WDR26: variants seen among roughly 807,000 people sequenced by gnomAD.
The protein encoded by WDR26 is WD repeat domain 26, also known as WD repeat-containing protein 26.
In WDR26, 5 loss-of-function variants were observed where a neutral mutation model predicts 84.1. That is an observed-to-expected ratio of 0.06 (90% confidence interval 0.03 to 0.13). The LOEUF is 0.13. Ranked by LOEUF, WDR26 falls within the 10% of genes least tolerant of loss-of-function variation. The pLI is 1.00. For synonymous variants in WDR26, 415 were observed against 389.6 expected (o/e 1.07, Z -0.77); for missense variants, 642 against 974.9 (o/e 0.66, Z 4.55).
At chr1:224,392,923 G>A (rs1360753316) in intron 13 of WDR26, among the ~76,000 whole-genome samples, 1 of 151,544 alleles carries the variant, frequency 6.6e-6, no homozygotes, top group South Asian at 2.1e-4. Context: ...AAAAATTTAG[G>A]TGGGACATGC....
At chr1:224,430,270 T>C in intron 3 of WDR26, 1 of 152,132 alleles carries the variant, frequency 6.6e-6, no homozygotes, top group Non-Finnish European at 1.5e-5. Flanking sequence ...ACTACAGAAT[T>C]ATTTTATAAG....
intron 6 of WDR26, among the ~76,000 whole-genome samples, chr1:224,414,077 G>T (rs1673819708): frequency 6.6e-6 from 1 of 151,630 alleles, no homozygotes; most frequent in South Asian, 2.1e-4. Context: ...CTCTCAAAGT[G>T]CTGGGATTAC....
chr1:224,431,377 C>T (rs1674389336), intron 3 of WDR26, 100 bp downstream of exon 3: 1 of 1,033,268 alleles, frequency 9.7e-7, no homozygotes, highest in South Asian at 1.5e-5. Context: ...AATTTAACTA[C>T]TTTTAGGCCT....
At chr1:224,413,686 T>C (rs1275955494) in intron 6 of WDR26, among the ~76,000 whole-genome samples, 28 of 152,204 alleles carry the variant, frequency 1.8e-4, no homozygotes, top group Admixed American at 1.8e-3. Context: ...TATGGTTGAC[T>C]CCAAGACCAG....
intron 1 of WDR26, 75 bp downstream of exon 1, chr1:224,433,609 C>T: frequency 1.3e-6 from 1 of 750,714 alleles, no homozygotes; most frequent in Non-Finnish European, 1.8e-6. Context: ...CTCCCCCCTC[C>T]GCCCCTTCCC....
intron 3 of WDR26, among the ~76,000 whole-genome samples, chr1:224,427,421 C>T (rs1674261954): frequency 6.6e-6 from 1 of 152,040 alleles, no homozygotes; most frequent in Admixed American, 6.6e-5. Context: ...CCCTTATTTT[C>T]CCACCAAGAT....
intron 7 of WDR26, among the ~76,000 whole-genome samples, chr1:224,408,633 CT>C (rs67639407): frequency 0.64 from 73,759 of 115,358 alleles, 24,202 homozygotes; most frequent in East Asian, 0.93. Context: ...TCATCCCATT[CT>C]TTTTTTTTTT....
At chr1:224,397,957 G>C (rs1673309196) in intron 12 of WDR26, 140 bp downstream of exon 12, 3 of 1,013,058 alleles carry the variant, frequency 3.0e-6, no homozygotes, top group Non-Finnish European at 2.8e-6. Context: ...TCATTACAGA[G>C]AGAAATTAAC....
chr1:224,402,618 G>C (rs1673449613), intron 8 of WDR26, among the ~76,000 whole-genome samples: 1 of 152,174 alleles, frequency 6.6e-6, no homozygotes, highest in South Asian at 2.1e-4. Flanking sequence ...AGACTACAAA[G>C]GCACTCTACA....
rs571628491 is a variant in WDR26, at chr1:224,412,172, G to GT, written c.1320-608dup. ...ACCTAACAGGGTTCTTAGAATTCTT[G>GT]TAAGAATTAGAAATACATTTAAAAT... is the stretch of plus-strand genomic sequence containing the variant. On this transcript the variant is annotated intron_variant, in intron 6 of 13. Transcript: ENST00000414423. 9.2e-5 allele frequency among the ~76,000 whole-genome samples: 14 copies of GT among 152,216 alleles called. No homozygotes were observed. The South Asian group carries it at 2.9e-3, about 32-fold the overall frequency.
intron 3 of WDR26, among the ~76,000 whole-genome samples, chr1:224,427,464 G>A (rs1041620461): frequency 6.6e-6 from 1 of 152,002 alleles, no homozygotes; most frequent in Non-Finnish European, 1.5e-5. Context: ...TTTCTATGGG[G>A]CAGAGGTGGG....
intron 3 of WDR26, among the ~76,000 whole-genome samples, chr1:224,427,995 T>C (rs890735273): frequency 2.0e-5 from 3 of 152,214 alleles, no homozygotes; most frequent in African/African-American, 7.2e-5. Flanking sequence ...CTCTCCTTTA[T>C]GTCTTTCCCC....
intron 13 of WDR26, among the ~76,000 whole-genome samples, chr1:224,391,578 G>A (rs1673129227): frequency 6.6e-6 from 1 of 152,144 alleles, no homozygotes; most frequent in Admixed American, 6.6e-5. Flanking sequence ...CTAGGCTGGA[G>A]TGCAGTGGCA....
chr1:224,398,303 T>A (rs778464201), intron 11 of WDR26, 77 bp from the exon 12 acceptor site: 8 of 1,525,442 alleles, frequency 5.2e-6, no homozygotes, highest in Admixed American at 2.3e-5. Flanking sequence ...TAAATATCCC[T>A]TTGCCTGATG....
chr1:224,406,574 G>C (rs774401582), intron 7 of WDR26, among the ~76,000 whole-genome samples: 33 of 152,096 alleles, frequency 2.2e-4, no homozygotes, highest in Non-Finnish European at 3.1e-4. Context: ...CAATTATCTA[G>C]TCCAAATCAC....
intron 13 of WDR26, among the ~76,000 whole-genome samples, chr1:224,390,473 A>C (rs1167908386): frequency 6.6e-6 from 1 of 152,216 alleles, no homozygotes; most frequent in Non-Finnish European, 1.5e-5. Context: ...AGAATAGATA[A>C]ATTTTTATGA....
At chr1:224,410,334 T>C (rs1174235417) in intron 7 of WDR26, among the ~76,000 whole-genome samples, 1 of 151,548 alleles carries the variant, frequency 6.6e-6, no homozygotes, top group African/African-American at 2.4e-5. Flanking sequence ...GAAGTTTATT[T>C]TAGGTGAATG....
chr1:224,417,661 C>T (rs1453293634), intron 6 of WDR26, among the ~76,000 whole-genome samples: 1 of 152,192 alleles, frequency 6.6e-6, no homozygotes, highest in Non-Finnish European at 1.5e-5. Flanking sequence ...GATCATGCCA[C>T]TGCACTCTAT....
At chr1:224,424,460 T>TA in intron 4 of WDR26, 58 bp downstream of exon 4, 1 of 1,576,108 alleles carries the variant, frequency 6.3e-7, no homozygotes. Flanking sequence ...GGAAAAATGT[T>TA]AAAGAAATAT....
Sources: allele counts gnomAD v4.1 joint callset (sites outside exome capture counted in the v4.1 genomes callset), GRCh38; gene constraint gnomAD v4.1.1; transcripts MANE v1.5; gene names NCBI Gene and HGNC (gene_info 2026-07-23, HGNC 2026-07-21).